Variants in WT1 observed in about 807,000 individuals in gnomAD.
WT1 encodes the protein Wilms tumor protein.
In WT1, 8 loss-of-function variants were observed where a neutral mutation model predicts 60.8. That is an observed-to-expected ratio of 0.13 (90% confidence interval 0.08 to 0.24). The LOEUF (loss-of-function observed/expected upper bound fraction) is 0.24. WT1 is among the 10% of genes least tolerant of loss of function. The pLI is 1.00. For synonymous variants in WT1, 312 were observed against 297.1 expected (o/e 1.05, Z -0.52); for missense variants, 568 against 711.8 (o/e 0.80, Z 2.30).
chr11:32,407,544 C>G (rs1225822129), intron 5 of WT1, among the ~76,000 whole-genome samples: 1 of 152,180 alleles, frequency 6.6e-6, no homozygotes, highest in Non-Finnish European at 1.5e-5. Context: ...ATCCCCCCAT[C>G]TTCACCTCCG....
Position 32,434,777 on chromosome 11 carries a change from G to A in WT1, c.584C>T (p.Ser195Phe), listed in dbSNP as rs778194188. Residue 195 changes from serine to phenylalanine, a missense_variant, in exon 1 of 10, where the codon TCC (serine) becomes TTC (phenylalanine). Physicochemically the swap from Ser to Phe is radical, Grantham distance 155. Transcript: ENST00000452863. ...GTTAGGAAACATCCTGGCCTGGCCG[G>A]ATGACGCCTGGCTGGGCGGAGGAGG... 6.2e-7 allele frequency: 1 copy of A among 1,612,698 alleles called. No homozygotes were observed. The highest frequency in any genetic ancestry group is 1.1e-5 in the South Asian group (1 of 91,022).
chr11:32,417,410 T>C, intron 4 of WT1, 167 bp downstream of exon 4: 1 of 651,346 alleles, frequency 1.5e-6, no homozygotes, highest in Non-Finnish European at 2.7e-6. Context: ...AATTTAATAC[T>C]GAACACAACT....
At chr11:32,420,344 C>T (rs1162107176) in intron 3 of WT1, among the ~76,000 whole-genome samples, 1 of 152,082 alleles carries the variant, frequency 6.6e-6, no homozygotes. Flanking sequence ...GTTTTCTCAT[C>T]TGTTCAATGG....
At chr11:32,423,860 T>C (rs72909477) in intron 3 of WT1, among the ~76,000 whole-genome samples, 6,998 of 152,282 alleles carry the variant, frequency 0.046, 217 homozygotes, top group Non-Finnish European at 0.074. Flanking sequence ...TCTTATGATT[T>C]ATGAGCAAAA....
At chr11:32,407,078 G>A (rs977117520) in intron 5 of WT1, among the ~76,000 whole-genome samples, 10 of 152,010 alleles carry the variant, frequency 6.6e-5, no homozygotes, top group African/African-American at 9.7e-5. Context: ...CAGCCTCAGC[G>A]ACAGAGCGAG....
At chr11:32,430,471 A>AGAGAGAGAGAGAGAGAGAGAGAGG in intron 1 of WT1, 1 of 1,545,132 alleles carries the variant, frequency 6.5e-7, no homozygotes. Context: ...AGAGAGAGAG[A>AGAGAGAGAGAGAGAGAGAGAGAGG]GAGAGAGAGA....
chr11:32,421,451 A>T (rs1017926728), intron 3 of WT1, among the ~76,000 whole-genome samples: 1 of 152,192 alleles, frequency 6.6e-6, no homozygotes, highest in East Asian at 1.9e-4. Context: ...GCCAAAATGT[A>T]TTCCAAAAGT....
At chr11:32,416,002 G>C (rs1241951290) in intron 5 of WT1, among the ~76,000 whole-genome samples, 1 of 152,158 alleles carries the variant, frequency 6.6e-6, no homozygotes, top group Non-Finnish European at 1.5e-5. Context: ...CAGGGTACAG[G>C]GCTGGGGAAG....
chr11:32,414,775 A>T (rs1031567413), intron 5 of WT1, among the ~76,000 whole-genome samples: 5 of 151,754 alleles, frequency 3.3e-5, no homozygotes, highest in Non-Finnish European at 7.4e-5. Context: ...CAGGAGGCTG[A>T]GGCAGGAGAA....
At chr11:32,434,224 T>C (rs1446278069) in intron 1 of WT1, among the ~76,000 whole-genome samples, 1 of 152,246 alleles carries the variant, frequency 6.6e-6, no homozygotes, top group Non-Finnish European at 1.5e-5. Context: ...CTGGACATTT[T>C]AGCGCTGCGG....
intron 1 of WT1, among the ~76,000 whole-genome samples, chr11:32,434,070 T>C (rs1049788055): frequency 2.6e-5 from 4 of 151,950 alleles, no homozygotes; most frequent in South Asian, 2.1e-4. Flanking sequence ...TGTATTACCA[T>C]ACGCGGGAGC....
intron 1 of WT1, among the ~76,000 whole-genome samples, chr11:32,433,409 G>C (rs990137848): frequency 2.0e-5 from 3 of 152,234 alleles, no homozygotes; most frequent in Admixed American, 2.0e-4. Flanking sequence ...GGAGCGGCCT[G>C]AAGACGCGCG....
At chr11:32,390,493 CT>C (rs1851784762) in intron 9 of WT1, among the ~76,000 whole-genome samples, 1 of 152,204 alleles carries the variant, frequency 6.6e-6, no homozygotes, top group South Asian at 2.1e-4. Flanking sequence ...AGATCCCATC[CT>C]GCCAACCATG....
intron 3 of WT1, among the ~76,000 whole-genome samples, chr11:32,417,917 A>G (rs894113017): frequency 6.6e-6 from 1 of 152,178 alleles, no homozygotes; most frequent in Non-Finnish European, 1.5e-5. Flanking sequence ...TGAAGTTTCT[A>G]AAGAAGTATT....
intron 6 of WT1, 118 bp from the exon 7 acceptor site, chr11:32,396,525 A>C: frequency 7.5e-7 from 1 of 1,328,756 alleles, no homozygotes; most frequent in Non-Finnish European, 1.0e-6. Flanking sequence ...GTGCAGACCT[A>C]AAACCACTCC....
At chr11:32,396,714 C>G (rs1368320628) in intron 6 of WT1, among the ~76,000 whole-genome samples, 1 of 152,208 alleles carries the variant, frequency 6.6e-6, no homozygotes, top group African/African-American at 2.4e-5. Flanking sequence ...CCTGGAAGAG[C>G]TCCCAATCCA....
chr11:32,393,226 C>T (rs1200235385), intron 7 of WT1, among the ~76,000 whole-genome samples: 2 of 152,214 alleles, frequency 1.3e-5, no homozygotes, highest in Non-Finnish European at 2.9e-5. Flanking sequence ...TGTTTTAGGG[C>T]CCAAAGATCT....
At chr11:32,433,286 T>C (rs1336585091) in intron 1 of WT1, among the ~76,000 whole-genome samples, 1 of 152,210 alleles carries the variant, frequency 6.6e-6, no homozygotes, top group Non-Finnish European at 1.5e-5. Flanking sequence ...AACCCTTGGG[T>C]CTGCTTGCGG....
intron 9 of WT1, among the ~76,000 whole-genome samples, chr11:32,390,514 T>G (rs1479467837): frequency 2.6e-5 from 4 of 152,166 alleles, no homozygotes; most frequent in African/African-American, 4.8e-5. Flanking sequence ...GGGCCACAGG[T>G]GCCTTGGCTC....
Sources: gnomAD v4.1 joint callset for allele counts (sites outside exome capture counted in the v4.1 genomes callset) on GRCh38, gnomAD v4.1.1 for gene constraint, MANE v1.5 for transcripts, NCBI Gene and HGNC (gene_info 2026-07-23, HGNC 2026-07-21) for gene names.